PIP5K1A: variants seen among roughly 807,000 people sequenced by gnomAD.
PIP5K1A encodes phosphatidylinositol-4-phosphate 5-kinase type 1 alpha.
Under a neutral mutation model 72.9 loss-of-function variants are expected in PIP5K1A, and 46 were observed. That is an observed-to-expected ratio of 0.63 (90% CI 0.50 to 0.81). The LOEUF (loss-of-function observed/expected upper bound fraction) is 0.81, where lower values mean the gene tolerates loss of function less well. PIP5K1A is among the 30% of genes least tolerant of loss of function. The pLI, the probability that PIP5K1A is intolerant of heterozygous loss-of-function variation, is 0.00. For synonymous variants in PIP5K1A, 228 were observed against 255.1 expected (o/e 0.89, Z 1.01); for missense variants, 458 against 706.1 (o/e 0.65, Z 3.98).
At chr1:151,247,158 C>T (rs767379691) in intron 15 of PIP5K1A, among the ~76,000 whole-genome samples, 193 bp downstream of exon 15, 14 of 152,000 alleles carry the variant, frequency 9.2e-5, no homozygotes, top group Non-Finnish European at 2.1e-4. Flanking sequence ...GATGGCGTCT[C>T]ACTCTGTTGC....
At chr1:151,241,253 GC>G (rs1691648752) in intron 12 of PIP5K1A, among the ~76,000 whole-genome samples, 1 of 152,156 alleles carries the variant, frequency 6.6e-6, no homozygotes. Flanking sequence ...AGTAATCCCA[GC>G]ATTTTAGGAG....
chr1:151,242,167 T>A lies in PIP5K1A; in HGVS notation c.1408T>A (p.Ser470Thr). ...SKKFRSGSSF[S>T]RRAGSSGNSC... is the part of the protein sequence containing the mutation. ...AAAGTTTCGGTCTGGCTCATCTTTCTCTCGGCGAGCAGGCTCCAGTGGCAA... is the reference window on the plus strand; with the variant it reads ...AAAGTTTCGGTCTGGCTCATCTTTCACTCGGCGAGCAGGCTCCAGTGGCAA... Residue 470 changes from serine (S) to threonine (T), a missense_variant, in exon 13 of 16, where the codon TCT becomes ACT. Ser to Thr is a moderately conservative substitution (Grantham distance 58). Transcript: ENST00000368888. 1 of 1,614,186 alleles carries A rather than the reference T, an allele frequency of 6.2e-7. No individual in the cohort carries two copies. Among genetic ancestry groups the A allele is most frequent in the Non-Finnish European group, 8.5e-7 (1 of 1,180,018 alleles).
intron 1 of PIP5K1A, among the ~76,000 whole-genome samples, chr1:151,212,582 C>T (rs1413019808): frequency 6.7e-6 from 1 of 148,448 alleles, no homozygotes; most frequent in Admixed American, 6.7e-5. Flanking sequence ...TCGACTTTGC[C>T]TTTTTTTTTT....
chr1:151,225,340 T>C (rs930000387), intron 3 of PIP5K1A, among the ~76,000 whole-genome samples: 2 of 152,196 alleles, frequency 1.3e-5, no homozygotes, highest in East Asian at 3.8e-4. Flanking sequence ...TTTCCACTAG[T>C]CTCTCAGCCT....
In PIP5K1A at chr1:151,236,683, C is replaced by G. The variant is rs372356635; in HGVS notation, c.1065C>G (p.Pro355=). 39 of 1,613,878 alleles carry G rather than the reference C, an allele frequency of 2.4e-5. No homozygotes were observed. The highest frequency in any genetic ancestry group is 6.7e-5 in the African/African-American group (5 of 74,860). The change falls in exon 9 of 16, where the codon CCC becomes CCG. Residue 355 remains proline (P), a synonymous_variant. Transcript: ENST00000368888. ...QYSVDTRRPA[P]QKALYSTAME... ...CAGTTGATACTCGAAGACCGGCCCC[C>G]CAAAAGGCTCTGTATTCCACAGCCA...
Position 151,210,008 on chromosome 1 carries a change from C to T in PIP5K1A, c.85+10927C>T, listed in dbSNP as rs141727084. ...AAGAGATTCTTGTGCCTCTGCCTCT[C>T]GAGTAGCTGGGATTATAGGTGCCCG... On this transcript the variant is annotated intron_variant, in intron 1 of 15. Coordinates refer to ENST00000368888, the MANE Select transcript of PIP5K1A (RefSeq NM_001135638.2). 5.6e-3 allele frequency among the ~76,000 whole-genome samples: 851 copies of T among 151,878 alleles called. 6 individuals are homozygous for T. The highest frequency in any genetic ancestry group is 0.014 in the Middle Eastern group (4 of 294).
chr1:151,203,054 T>C (rs932618621), intron 1 of PIP5K1A, among the ~76,000 whole-genome samples: 7 of 152,124 alleles, frequency 4.6e-5, no homozygotes, highest in African/African-American at 1.4e-4. Flanking sequence ...ATACAGGCTT[T>C]AGCCGCCGCC....
At chr1:151,239,489 C>A (rs587688876) in intron 11 of PIP5K1A, among the ~76,000 whole-genome samples, 1 of 152,054 alleles carries the variant, frequency 6.6e-6, no homozygotes, top group South Asian at 2.1e-4. Flanking sequence ...CCAGGCTGGT[C>A]TCAAACTCCT....
intron 10 of PIP5K1A, 81 bp from the exon 11 acceptor site, chr1:151,239,049 C>T: frequency 9.9e-7 from 1 of 1,012,554 alleles, no homozygotes. Context: ...TCTATTACCC[C>T]TTTAACCCCC....
rs952754149 is a variant in PIP5K1A at position 151,198,922 on chromosome 1, G to A, written c.-75G>A. On this transcript the variant is annotated 5_prime_UTR_variant, in exon 1 of 16. Coordinates refer to ENST00000368888, the MANE Select transcript of PIP5K1A (RefSeq NM_001135638.2). ...CGCGGGTTCTGTAAAGAGACGTTGG[G>A]AAGATTCGATTCCGAGAAGAGGAAG... The A allele has an allele frequency of 5.7e-6, 8 of 1,409,834 alleles. No individual in the cohort carries two copies. Among genetic ancestry groups the A allele is most frequent in the East Asian group, 2.3e-5 (1 of 43,946 alleles). The allele number at this position is 1,409,834 out of a possible 1,614,324, so 87.3% of individuals were successfully genotyped here. A position where few individuals can be genotyped will look rare whatever the true frequency, so the allele number is the denominator to read the frequency against.
At chr1:151,237,703 CCTT>C (rs753509788) in intron 9 of PIP5K1A, among the ~76,000 whole-genome samples, 16 of 151,962 alleles carry the variant, frequency 1.1e-4, no homozygotes, top group Non-Finnish European at 2.1e-4. Flanking sequence ...TGGAAGGCAT[CCTT>C]CTTCATCATG....
chr1:151,242,682 T>C, intron 14 of PIP5K1A, 115 bp downstream of exon 14: 1 of 913,020 alleles, frequency 1.1e-6, no homozygotes, highest in East Asian at 2.4e-5. Flanking sequence ...TGGCTTAAAA[T>C]AACAAACATA....
rs1464111637 is a variant in PIP5K1A at position 151,248,065 on chromosome 1, G to A, written c.*200G>A. On this transcript the variant is annotated 3_prime_UTR_variant, in exon 16 of 16. Coordinates refer to ENST00000368888, the MANE Select transcript of PIP5K1A (RefSeq NM_001135638.2). ...TCCTCTTCCTCATGAATGGGCCTTA[G>A]TGCCTCAGAGAGTTGAGGACCGCAG... is the stretch of plus-strand genomic sequence containing the variant. 19 of 595,954 alleles carry A rather than the reference G, an allele frequency of 3.2e-5. No homozygotes were observed. Among genetic ancestry groups the A allele is most frequent in the Non-Finnish European group, 4.5e-5 (15 of 335,406 alleles). 36.9% of individuals were successfully genotyped at this position (595,954 alleles called of 1,614,324 possible).
intron 10 of PIP5K1A, 84 bp from the exon 11 acceptor site, chr1:151,239,046 C>A: frequency 2.2e-6 from 2 of 928,072 alleles, no homozygotes; most frequent in South Asian, 1.4e-5. Flanking sequence ...TTTTCTATTA[C>A]CCCTTTAACC....
chr1:151,236,475 CA>C (rs1424649122), intron 8 of PIP5K1A, 82 bp from the exon 9 acceptor site: 8 of 1,081,128 alleles, frequency 7.4e-6, no homozygotes, highest in African/African-American at 4.7e-5. Context: ...TACCCTTTCT[CA>C]AAAAAACAAA....
intron 12 of PIP5K1A, 127 bp downstream of exon 12, chr1:151,240,166 C>G: frequency 1.4e-6 from 1 of 698,786 alleles, no homozygotes; most frequent in Non-Finnish European, 2.5e-6. Flanking sequence ...CACCTACATC[C>G]CATGAGAGCC....
chr1:151,202,517 G>C (rs1045721149), intron 1 of PIP5K1A, among the ~76,000 whole-genome samples: 1 of 152,184 alleles, frequency 6.6e-6, no homozygotes, highest in East Asian at 1.9e-4. Context: ...TTGTCACCCA[G>C]GCTGGAGTGC....
At chr1:151,210,811 T>TGA (rs1225102772) in intron 1 of PIP5K1A, among the ~76,000 whole-genome samples, 1 of 152,078 alleles carries the variant, frequency 6.6e-6, no homozygotes, top group African/African-American at 2.4e-5. Context: ...GGTTTTGATC[T>TGA]CCTGACCTCA....
rs587718868 is a variant in PIP5K1A at position 151,209,407 on chromosome 1, A to G, written c.85+10326A>G. Among the ~76,000 whole-genome samples, 10 of 143,608 alleles carry G rather than the reference A, an allele frequency of 7.0e-5. No homozygotes were observed. In the East Asian group the frequency reaches 2.1e-3, roughly 30 times the overall value. 94.2% of individuals were successfully genotyped at this position (143,608 alleles called of 152,430 possible). A position where few individuals can be genotyped will look rare whatever the true frequency, so the allele number is the denominator to read the frequency against. On this transcript the variant is annotated intron_variant, in intron 1 of 15. Coordinates refer to ENST00000368888, the MANE Select transcript of PIP5K1A (RefSeq NM_001135638.2). ...TGCCTTAGCCTCTCTAGTAGCTGGG[A>G]TTACAGGCGCGTGCCACCATGCCTG...
Sources: allele counts gnomAD v4.1 joint callset (sites outside exome capture counted in the v4.1 genomes callset), GRCh38; gene constraint gnomAD v4.1.1; transcripts MANE v1.5; gene names NCBI Gene and HGNC (gene_info 2026-07-23, HGNC 2026-07-21).